Variants in ZMAT4 observed in about 807,000 individuals in gnomAD.
ZMAT4 encodes zinc finger matrin-type protein 4.
ZMAT4 carries 17 observed loss-of-function variants against 28.7 expected under a neutral mutation model. That is an observed-to-expected ratio of 0.59 (90% CI 0.41 to 0.89). The LOEUF (loss-of-function observed/expected upper bound fraction) is 0.89, where lower values mean the gene tolerates loss of function less well. ZMAT4 is among the 40% of genes least tolerant of loss of function. The pLI, the probability that ZMAT4 is intolerant of heterozygous loss-of-function variation, is 0.00. For synonymous variants in ZMAT4, 117 were observed against 109.2 expected, an observed-to-expected ratio of 1.07 and a Z score of -0.44; for missense variants, 240 against 283.8, an observed-to-expected ratio of 0.85 and a Z score of 1.11.
intron 3 of ZMAT4, among the ~76,000 whole-genome samples, chr8:40,712,941 A>G (rs545516983): frequency 5.3e-5 from 8 of 152,216 alleles, no homozygotes; most frequent in Admixed American, 5.2e-4. Context: ...GCAAGTTTGA[A>G]CACTGGAGGT....
At chr8:40,542,556 G>T (rs28572536) in intron 6 of ZMAT4, among the ~76,000 whole-genome samples, 40,153 of 151,478 alleles carry the variant, frequency 0.27, 8,802 homozygotes, top group African/African-American at 0.61. Flanking sequence ...TCCCAGCTAA[G>T]TGTTTTATTT....
chr8:40,863,667 T>G (rs1817578901), intron 1 of ZMAT4, among the ~76,000 whole-genome samples: 1 of 152,156 alleles, frequency 6.6e-6, no homozygotes, highest in Non-Finnish European at 1.5e-5. Context: ...CATAGCAAGA[T>G]CTAGACAAGG....
intron 5 of ZMAT4, among the ~76,000 whole-genome samples, chr8:40,657,099 C>T (rs1164889482): frequency 6.6e-6 from 1 of 152,120 alleles, no homozygotes; most frequent in Non-Finnish European, 1.5e-5. Flanking sequence ...GATGCAATCT[C>T]GGCTCACTGC....
At chr8:40,794,165 T>C (rs1014821970) in intron 2 of ZMAT4, among the ~76,000 whole-genome samples, 3 of 152,202 alleles carry the variant, frequency 2.0e-5, no homozygotes, top group Non-Finnish European at 4.4e-5. Context: ...TTAGTGTTGA[T>C]GCATAATGTG....
intron 3 of ZMAT4, among the ~76,000 whole-genome samples, chr8:40,750,767 A>G (rs1231501397): frequency 6.6e-6 from 1 of 152,230 alleles, no homozygotes; most frequent in Non-Finnish European, 1.5e-5. Context: ...GGGCCATCAG[A>G]CCATGTCTGG....
At chr8:40,614,639 T>G (rs1443611636) in intron 5 of ZMAT4, among the ~76,000 whole-genome samples, 2 of 152,240 alleles carry the variant, frequency 1.3e-5, no homozygotes, top group East Asian at 3.8e-4. Flanking sequence ...TTTAGGATAG[T>G]TAGCTCTTCT....
intron 5 of ZMAT4, among the ~76,000 whole-genome samples, chr8:40,658,896 T>C (rs1808057874): frequency 6.6e-6 from 1 of 152,092 alleles, no homozygotes. Flanking sequence ...CTCCCTCCAG[T>C]TTCTGCCTGG....
chr8:40,859,461 C>T (rs1305136390), intron 1 of ZMAT4, among the ~76,000 whole-genome samples: 1 of 149,512 alleles, frequency 6.7e-6, no homozygotes, highest in African/African-American at 2.5e-5. Flanking sequence ...GCAACGCACA[C>T]ACACACACAC....
intron 5 of ZMAT4, among the ~76,000 whole-genome samples, chr8:40,666,740 AT>A (rs1808430985): frequency 6.6e-6 from 1 of 152,154 alleles, no homozygotes; most frequent in African/African-American, 2.4e-5. Flanking sequence ...ACAACACAAA[AT>A]TTAGTTGACT....
chr8:40,554,192 GT>G (rs1803453478), intron 6 of ZMAT4, among the ~76,000 whole-genome samples: 1 of 152,074 alleles, frequency 6.6e-6, no homozygotes, highest in East Asian at 1.9e-4. Flanking sequence ...GTCACTTAAA[GT>G]TTTTTGTGTT....
chr8:40,860,020 G>A (rs934432324), intron 1 of ZMAT4, among the ~76,000 whole-genome samples: 8 of 152,286 alleles, frequency 5.3e-5, no homozygotes, highest in African/African-American at 1.2e-4. Context: ...AAAGGATTCC[G>A]TGTGGCCAGA....
At chr8:40,716,277 G>A (rs1264758364) in intron 3 of ZMAT4, among the ~76,000 whole-genome samples, 1 of 152,302 alleles carries the variant, frequency 6.6e-6, no homozygotes, top group East Asian at 1.9e-4. Flanking sequence ...CGCCAGACCT[G>A]CTGCATCAGA....
intron 5 of ZMAT4, among the ~76,000 whole-genome samples, chr8:40,670,381 A>G (rs1009745515): frequency 5.3e-5 from 8 of 152,252 alleles, no homozygotes; most frequent in African/African-American, 1.9e-4. Flanking sequence ...GTACACAAAA[A>G]TTAATTTCAG....
At chr8:40,561,003 T>C (rs192650662) in intron 6 of ZMAT4, among the ~76,000 whole-genome samples, 1 of 152,168 alleles carries the variant, frequency 6.6e-6, no homozygotes, top group East Asian at 1.9e-4. Flanking sequence ...GAGATTTACC[T>C]CTCCATATTT....
intron 5 of ZMAT4, among the ~76,000 whole-genome samples, chr8:40,639,398 G>A (rs146199041): frequency 8.7e-4 from 132 of 152,116 alleles, no homozygotes; most frequent in African/African-American, 2.6e-3. Context: ...AGCCAACATC[G>A]GGATCTCCAG....
chr8:40,548,965 C>T (rs915380038), intron 6 of ZMAT4, among the ~76,000 whole-genome samples: 47 of 152,128 alleles, frequency 3.1e-4, no homozygotes, highest in African/African-American at 1.1e-3. Flanking sequence ...AATGTCTGTA[C>T]TCCCACCCAC....
chr8:40,826,741 C>A (rs1015381638), intron 1 of ZMAT4, among the ~76,000 whole-genome samples: 1 of 152,156 alleles, frequency 6.6e-6, no homozygotes, highest in African/African-American at 2.4e-5. Context: ...AATGATCCCA[C>A]AAAGTAAATA....
intron 5 of ZMAT4, among the ~76,000 whole-genome samples, chr8:40,610,485 A>T (rs1049643234): frequency 3.9e-5 from 6 of 152,160 alleles, no homozygotes; most frequent in African/African-American, 1.2e-4. Context: ...AATCAAGTGG[A>T]TGATCAACCA....
chr8:40,826,972 T>G (rs1037179310), intron 1 of ZMAT4, among the ~76,000 whole-genome samples: 1 of 152,206 alleles, frequency 6.6e-6, no homozygotes, highest in Non-Finnish European at 1.5e-5. Flanking sequence ...GCAGACAGCA[T>G]GCTGTATGAA....
Sources: gnomAD v4.1 joint callset for allele counts (sites outside exome capture counted in the v4.1 genomes callset) on GRCh38, gnomAD v4.1.1 for gene constraint, MANE v1.5 for transcripts, NCBI Gene and HGNC (gene_info 2026-07-23, HGNC 2026-07-21) for gene names.